FLNB: variants seen among roughly 807,000 people sequenced by gnomAD.
The protein encoded by FLNB is filamin-B.
Under a neutral mutation model 250.6 loss-of-function variants are expected in FLNB, and 111 were observed. The observed-to-expected ratio is 0.44, with a 90% CI of 0.38 to 0.52. The LOEUF (loss-of-function observed/expected upper bound fraction) is 0.52, where lower values mean the gene tolerates loss of function less well. Ranked by LOEUF, FLNB falls within the 20% of genes least tolerant of loss-of-function variation. The pLI, the probability that FLNB is intolerant of heterozygous loss-of-function variation, is 0.00. For synonymous variants in FLNB, 1,302 were observed against 1,372.1 expected (o/e 0.95, Z 1.13); for missense variants, 2,869 against 3,447.8 (o/e 0.83, Z 4.20).
chr3:58,060,799 A>AAG (rs2097177316), intron 1 of FLNB, among the ~76,000 whole-genome samples: 1 of 93,934 alleles, frequency 1.1e-5, no homozygotes, highest in Non-Finnish European at 1.9e-5. Flanking sequence ...AAAAAAAAAA[A>AAG]GAAAGAAAGA....
intron 27 of FLNB, among the ~76,000 whole-genome samples, chr3:58,135,700 C>T (rs987588852): frequency 6.6e-6 from 1 of 152,090 alleles, no homozygotes; most frequent in African/African-American, 2.4e-5. Context: ...GAAGCCTCTG[C>T]CTCCTCCCCT....
chr3:58,076,684 C>T (rs1424922460), intron 1 of FLNB, among the ~76,000 whole-genome samples: 1 of 151,134 alleles, frequency 6.6e-6, no homozygotes, highest in East Asian at 1.9e-4. Flanking sequence ...GTCTTGAACT[C>T]CTAAGCTCAA....
At chr3:58,029,225 G>C (rs1267361696) in intron 1 of FLNB, among the ~76,000 whole-genome samples, 1 of 152,132 alleles carries the variant, frequency 6.6e-6, no homozygotes, top group Non-Finnish European at 1.5e-5. Flanking sequence ...TGTGACAATT[G>C]TAAATAGATA....
At chr3:58,080,494 ATTT>A (rs5849235) in intron 3 of FLNB, among the ~76,000 whole-genome samples, 2 of 129,598 alleles carry the variant, frequency 1.5e-5, no homozygotes, top group Non-Finnish European at 1.7e-5. Context: ...CCCATTCCCT[ATTT>A]TTTTTTTTTT....
chr3:58,104,766 A>T (rs1213123984), intron 10 of FLNB, among the ~76,000 whole-genome samples: 1 of 152,130 alleles, frequency 6.6e-6, no homozygotes, highest in Non-Finnish European at 1.5e-5. Context: ...GGACTCTCTC[A>T]CTTTCCAGGG....
chr3:58,020,041 C>T (rs893638927), intron 1 of FLNB, among the ~76,000 whole-genome samples: 3 of 135,484 alleles, frequency 2.2e-5, no homozygotes, highest in Non-Finnish European at 4.8e-5. Context: ...CACCATGACA[C>T]CACAGGGGTG....
At chr3:58,128,792 G>C (rs936007528) in intron 24 of FLNB, among the ~76,000 whole-genome samples, 1 of 152,142 alleles carries the variant, frequency 6.6e-6, no homozygotes, top group South Asian at 2.1e-4. Flanking sequence ...CCCTGTGGCC[G>C]ACCTGTGAGC....
Position 58,012,209 on chromosome 3 carries a change from C to CA in FLNB, c.292+3375dup, listed in dbSNP as rs10608167. Among the ~76,000 whole-genome samples, 268 of 105,948 alleles carry CA rather than the reference C, an allele frequency of 2.5e-3. 1 individual carries two copies. Among genetic ancestry groups the CA allele is most frequent in the African/African-American group, 7.2e-3 (194 of 27,056 alleles). 69.5% of individuals were successfully genotyped at this position (105,948 alleles called of 152,430 possible). A position where few individuals can be genotyped will look rare whatever the true frequency, so the allele number is the denominator to read the frequency against. ...AGCCTGGGAGAGCGAGACTCTGACT[C>CA]AAAAAAAAAAAAAAAAAAAAAAGTC... On this transcript the variant is annotated intron_variant, in intron 1 of 45. Transcript: ENST00000295956.
rs769962026 is a variant in FLNB at position 58,138,365 on chromosome 3, A to G, written c.4945A>G (p.Thr1649Ala). ...DAKTAGKGKVTCTVLTPDGTE... is the reference protein window; with the variant it reads ...DAKTAGKGKVACTVLTPDGTE... ...CAAGACTGCCGGGAAGGGTAAAGTG[A>G]CCTGCACGGTTCTGACCCCAGATGG... is the stretch of plus-strand genomic sequence containing the variant. The change falls in exon 29 of 46, where the codon ACC becomes GCC. Residue 1649 changes from threonine to alanine, a missense_variant. Coordinates refer to ENST00000295956, the MANE Select transcript of FLNB (RefSeq NM_001457.4). 5.0e-6 allele frequency: 8 copies of G among 1,614,240 alleles called. No homozygotes were observed. Among genetic ancestry groups the G allele is most frequent in the South Asian group, 1.1e-5 (1 of 91,088 alleles).
At chr3:58,117,175 T>A (rs1449367087) in intron 18 of FLNB, among the ~76,000 whole-genome samples, 4 of 152,206 alleles carry the variant, frequency 2.6e-5, no homozygotes, top group Admixed American at 2.6e-4. Flanking sequence ...CAGACATCCC[T>A]CACTTCATAG....
chr3:58,131,944 C>T, intron 25 of FLNB: 1 of 1,537,058 alleles, frequency 6.5e-7, no homozygotes. Flanking sequence ...CACGGATTCC[C>T]AGTCATGGCG....
At chr3:58,068,971 A>G (rs1397203348) in intron 1 of FLNB, among the ~76,000 whole-genome samples, 1 of 151,650 alleles carries the variant, frequency 6.6e-6, no homozygotes, top group Admixed American at 6.6e-5. Context: ...ACATGGCGGA[A>G]CCCTGTCTCT....
At chr3:58,161,146 T>G (rs1164921702) in intron 42 of FLNB, among the ~76,000 whole-genome samples, 1 of 152,036 alleles carries the variant, frequency 6.6e-6, no homozygotes, top group African/African-American at 2.4e-5. Context: ...GCTCCCAGAG[T>G]GGTCCATTTG....
At chr3:58,166,733 G>A (rs1362858118) in intron 43 of FLNB, among the ~76,000 whole-genome samples, 1 of 152,134 alleles carries the variant, frequency 6.6e-6, no homozygotes, top group Admixed American at 6.5e-5. Context: ...GAGGCAGGAG[G>A]ATGGCTTGAG....
chr3:58,076,800 C>T (rs535255528), intron 1 of FLNB, among the ~76,000 whole-genome samples: 2 of 152,266 alleles, frequency 1.3e-5, no homozygotes, highest in African/African-American at 4.8e-5. Flanking sequence ...AAAGTAGAGA[C>T]AGTGGTGTCT....
At chr3:58,026,142 G>A (rs1034656771) in intron 1 of FLNB, among the ~76,000 whole-genome samples, 3 of 152,192 alleles carry the variant, frequency 2.0e-5, no homozygotes, top group Admixed American at 6.5e-5. Flanking sequence ...ATGGGCTACC[G>A]CTTCTCTTTT....
intron 1 of FLNB, among the ~76,000 whole-genome samples, chr3:58,038,176 C>T (rs113338044): frequency 2.0e-5 from 3 of 152,070 alleles, no homozygotes; most frequent in Non-Finnish European, 4.4e-5. Flanking sequence ...ATTACAGGTG[C>T]CCGCCACCAT....
chr3:58,131,823 G>A (rs2097307926), intron 25 of FLNB: 1 of 766,824 alleles, frequency 1.3e-6, no homozygotes, highest in African/African-American at 1.7e-5. Context: ...ATGTGTCCCT[G>A]TGTATGTGTG....
chr3:58,090,557 G>A lies in FLNB; in HGVS notation c.788-4279G>A, dbSNP rs2097225131. 2.0e-5 allele frequency among the ~76,000 whole-genome samples: 3 copies of A among 152,118 alleles called. No individual in the cohort carries two copies. In the South Asian group the frequency reaches 6.2e-4, roughly 32 times the overall value. ...GCATCATCACAAATACATGAGTAATGCGATGCGTTACTGTGACGTCAGTAG... is the reference window on the plus strand; with the variant it reads ...GCATCATCACAAATACATGAGTAATACGATGCGTTACTGTGACGTCAGTAG... On this transcript the variant is annotated intron_variant, in intron 4 of 45. Transcript: ENST00000295956.
Sources: allele counts gnomAD v4.1 joint callset (sites outside exome capture counted in the v4.1 genomes callset), GRCh38; gene constraint gnomAD v4.1.1; transcripts MANE v1.5; gene names NCBI Gene and HGNC (gene_info 2026-07-23, HGNC 2026-07-21).